Variants in REEP3 observed in about 807,000 individuals in gnomAD.
REEP3 encodes receptor accessory protein 3.
Under a neutral mutation model 41.3 loss-of-function variants are expected in REEP3, and 20 were observed. The observed-to-expected ratio is 0.48, with a 90% confidence interval of 0.34 to 0.70. The LOEUF (loss-of-function observed/expected upper bound fraction) is 0.70, where lower values mean the gene tolerates loss of function less well. REEP3 is among the 30% of genes least tolerant of loss of function. The pLI is 0.01. For synonymous variants in REEP3, 104 were observed against 101.8 expected (o/e 1.02, Z -0.13); for missense variants, 271 against 308.8 (o/e 0.88, Z 0.92).
At chr10:63,561,429 C>T (rs991029662) in intron 1 of REEP3, among the ~76,000 whole-genome samples, 2 of 152,098 alleles carry the variant, frequency 1.3e-5, no homozygotes, top group African/African-American at 2.4e-5. Flanking sequence ...GGGAGGCAAT[C>T]CAGGCATGAA....
At chr10:63,598,660 C>T in intron 4 of REEP3, among the ~76,000 whole-genome samples, 3 of 149,816 alleles carry the variant, frequency 2.0e-5, no homozygotes, top group African/African-American at 7.4e-5. Flanking sequence ...GGCGGGCACC[C>T]ATAGTCCCAG....
intron 2 of REEP3, among the ~76,000 whole-genome samples, chr10:63,575,552 G>T (rs1431725293): frequency 6.6e-6 from 1 of 151,694 alleles, no homozygotes; most frequent in Non-Finnish European, 1.5e-5. Context: ...ACTTGGACTG[G>T]TTTTCCAATT....
intron 1 of REEP3, among the ~76,000 whole-genome samples, chr10:63,522,936 T>C (rs1284183709): frequency 6.6e-6 from 1 of 151,040 alleles, no homozygotes; most frequent in African/African-American, 2.4e-5. Context: ...AATTCAGGCA[T>C]ACCTTTCTTG....
intron 5 of REEP3, chr10:63,606,149 A>C (rs1956223049): frequency 1.1e-6 from 1 of 922,788 alleles, no homozygotes; most frequent in Non-Finnish European, 1.3e-6. Flanking sequence ...TTCTGCAGAG[A>C]ATAGGATCTA....
At chr10:63,594,176 C>T (rs757911181) in intron 2 of REEP3, among the ~76,000 whole-genome samples, 9 of 149,370 alleles carry the variant, frequency 6.0e-5, no homozygotes, top group East Asian at 5.9e-4. Flanking sequence ...CCAAGGAGTC[C>T]GATACCAGCA....
intron 2 of REEP3, among the ~76,000 whole-genome samples, chr10:63,589,226 G>T (rs1956034896): frequency 6.6e-6 from 1 of 152,204 alleles, no homozygotes; most frequent in East Asian, 1.9e-4. Flanking sequence ...CAGACAGGAG[G>T]TGATGGTCAT....
chr10:63,566,513 T>C, intron 2 of REEP3, 103 bp downstream of exon 2: 1 of 661,322 alleles, frequency 1.5e-6, no homozygotes, highest in Non-Finnish European at 2.6e-6. Flanking sequence ...TGTTTTGGGT[T>C]AAAAGGTGTT....
At chr10:63,613,157 G>A (rs1589889616) in intron 6 of REEP3, among the ~76,000 whole-genome samples, 3 of 151,922 alleles carry the variant, frequency 2.0e-5, no homozygotes, top group Non-Finnish European at 2.9e-5. Flanking sequence ...GATTAAAGGC[G>A]TGCACCACCA....
intron 2 of REEP3, among the ~76,000 whole-genome samples, chr10:63,590,183 G>A (rs1339361622): frequency 3.3e-5 from 5 of 152,134 alleles, no homozygotes; most frequent in Non-Finnish European, 7.3e-5. Flanking sequence ...CTCCACCTCA[G>A]CTTCCCATGT....
At chr10:63,549,414 G>C (rs1955607527) in intron 1 of REEP3, among the ~76,000 whole-genome samples, 1 of 152,156 alleles carries the variant, frequency 6.6e-6, no homozygotes. Context: ...CAAAAAATTT[G>C]AAAGTTAGCT....
intron 1 of REEP3, among the ~76,000 whole-genome samples, chr10:63,543,160 C>T (rs953391922): frequency 6.6e-6 from 1 of 152,128 alleles, no homozygotes; most frequent in African/African-American, 2.4e-5. Flanking sequence ...AACAAACCAC[C>T]CAATAACTTA....
chr10:63,554,116 A>G (rs899798182), intron 1 of REEP3, among the ~76,000 whole-genome samples: 2 of 151,188 alleles, frequency 1.3e-5, no homozygotes, highest in Admixed American at 6.6e-5. Flanking sequence ...AAAAAAAAAA[A>G]CCTTAGATTG....
intron 1 of REEP3, chr10:63,563,108 G>A (rs543753606): frequency 4.3e-5 from 18 of 416,770 alleles, no homozygotes; most frequent in South Asian, 2.9e-4. Context: ...ATCTGCCAAC[G>A]TTTTGGTCTT....
chr10:63,599,602 TTC>T (rs768239045), intron 5 of REEP3: 142 of 709,894 alleles, frequency 2.0e-4, no homozygotes, highest in Middle Eastern at 1.4e-3. Context: ...CATTGTTTAT[TTC>T]TCTGTCTTTG....
chr10:63,532,755 G>A (rs1349360426), intron 1 of REEP3, among the ~76,000 whole-genome samples: 4 of 151,748 alleles, frequency 2.6e-5, no homozygotes, highest in Non-Finnish European at 5.9e-5. Context: ...AAAATTAGCC[G>A]GGCATGATGG....
chr10:63,569,593 G>A (rs998652969), intron 2 of REEP3, among the ~76,000 whole-genome samples: 1 of 151,654 alleles, frequency 6.6e-6, no homozygotes, highest in Non-Finnish European at 1.5e-5. Flanking sequence ...TAAAATAAAC[G>A]TCAAAGGTAA....
chr10:63,558,490 C>T (rs1057232099), intron 1 of REEP3, among the ~76,000 whole-genome samples: 1 of 152,074 alleles, frequency 6.6e-6, no homozygotes, highest in African/African-American at 2.4e-5. Flanking sequence ...TTATACTCTT[C>T]GATAAGAGGC....
At chr10:63,601,902 CAA>C (rs960020944) in intron 5 of REEP3, among the ~76,000 whole-genome samples, 3 of 151,778 alleles carry the variant, frequency 2.0e-5, no homozygotes, top group African/African-American at 7.3e-5. Flanking sequence ...GCCTAGGTGA[CAA>C]GAGTGAAACT....
At chr10:63,580,672 C>G (rs1377676857) in intron 2 of REEP3, among the ~76,000 whole-genome samples, 3 of 151,974 alleles carry the variant, frequency 2.0e-5, no homozygotes, top group African/African-American at 7.3e-5. Context: ...AGAGTTTAAG[C>G]AAGCAGTACT....
Sources: allele counts gnomAD v4.1 joint callset (sites outside exome capture counted in the v4.1 genomes callset), GRCh38; gene constraint gnomAD v4.1.1; transcripts MANE v1.5; gene names NCBI Gene and HGNC (gene_info 2026-07-23, HGNC 2026-07-21).